VMP1: variants seen among roughly 807,000 people sequenced by gnomAD.
VMP1 encodes vacuole membrane protein 1, also known as ectopic P-granules autophagy protein 3 homolog.
In VMP1, 11 loss-of-function variants were observed where a neutral mutation model predicts 56.0. The observed-to-expected ratio is 0.20, with a 90% CI of 0.12 to 0.32. The LOEUF is 0.32. Ranked by LOEUF, VMP1 falls within the 10% of genes least tolerant of loss-of-function variation. VMP1 has a pLI of 1.00. For synonymous variants in VMP1, 149 were observed against 165.0 expected (o/e 0.90, Z 0.74); for missense variants, 296 against 490.3 (o/e 0.60, Z 3.74).
At chr17:59,764,453 A>G (rs1030282280) in intron 5 of VMP1, among the ~76,000 whole-genome samples, 1 of 152,140 alleles carries the variant, frequency 6.6e-6, no homozygotes, top group African/African-American at 2.4e-5. Context: ...CCTCCTGAGT[A>G]GCTGGGACTA....
chr17:59,808,668 A>AT, intron 7 of VMP1, 128 bp from the exon 8 acceptor site: 6 of 691,888 alleles, frequency 8.7e-6, no homozygotes, highest in Admixed American at 2.9e-5. Flanking sequence ...ACCTACTGTA[A>AT]TTTTTTTCAT....
intron 7 of VMP1, among the ~76,000 whole-genome samples, chr17:59,807,680 A>G (rs2037893511): frequency 6.6e-6 from 1 of 151,938 alleles, no homozygotes; most frequent in Non-Finnish European, 1.5e-5. Context: ...TAAAAATACA[A>G]AATTAGCTGG....
intron 5 of VMP1, among the ~76,000 whole-genome samples, chr17:59,748,257 C>T (rs2035510788): frequency 6.7e-6 from 1 of 149,986 alleles, no homozygotes; most frequent in Non-Finnish European, 1.5e-5. Context: ...ACATGGAGGA[C>T]ATAACTCCTA....
chr17:59,811,328 C>T (rs768705719), intron 8 of VMP1, among the ~76,000 whole-genome samples: 6 of 152,152 alleles, frequency 3.9e-5, no homozygotes, highest in Admixed American at 1.3e-4. Flanking sequence ...ATCAACTGAA[C>T]GGGATTAAAT....
chr17:59,801,461 C>T (rs1314011424), intron 7 of VMP1, among the ~76,000 whole-genome samples: 1 of 151,808 alleles, frequency 6.6e-6, no homozygotes, highest in African/African-American at 2.4e-5. Context: ...CTTATGTTAC[C>T]CAGGCTGCTC....
At chr17:59,767,640 G>A (rs1015340129) in intron 6 of VMP1, among the ~76,000 whole-genome samples, 2 of 152,036 alleles carry the variant, frequency 1.3e-5, no homozygotes, top group East Asian at 1.9e-4. Context: ...ATCTCGGCTG[G>A]CTGTGATAAC....
chr17:59,801,106 A>ATG (rs1466626934), intron 7 of VMP1, among the ~76,000 whole-genome samples: 3 of 128,196 alleles, frequency 2.3e-5, no homozygotes, highest in African/African-American at 1.2e-4. Flanking sequence ...ATATATATAT[A>ATG]TATATATGTG....
At chr17:59,812,029 T>C (rs1381499756) in intron 9 of VMP1, among the ~76,000 whole-genome samples, 3 of 152,150 alleles carry the variant, frequency 2.0e-5, no homozygotes. Context: ...TTTCTTTCTT[T>C]ATTTTTTGTC....
intron 7 of VMP1, among the ~76,000 whole-genome samples, chr17:59,789,835 C>CT (rs754631557): frequency 0.39 from 32,645 of 84,430 alleles, 8,386 homozygotes; most frequent in Non-Finnish European, 0.47. Context: ...CTTTCTTTCC[C>CT]TTTTTTTTTT....
chr17:59,832,596 T>TAC (rs1419239195), intron 10 of VMP1, among the ~76,000 whole-genome samples: 1 of 151,462 alleles, frequency 6.6e-6, no homozygotes, highest in East Asian at 1.9e-4. Flanking sequence ...TGTTTTGTTT[T>TAC]GTTTTGTTTT....
At chr17:59,771,038 C>T (rs1325809930) in intron 6 of VMP1, among the ~76,000 whole-genome samples, 5 of 145,610 alleles carry the variant, frequency 3.4e-5, no homozygotes, top group African/African-American at 1.3e-4. Flanking sequence ...TTGTGTATTT[C>T]TATCACGAGA....
At chr17:59,750,213 G>A (rs942212814) in intron 5 of VMP1, among the ~76,000 whole-genome samples, 17 of 151,966 alleles carry the variant, frequency 1.1e-4, no homozygotes, top group Non-Finnish European at 7.4e-5. Flanking sequence ...CAGCAAATAA[G>A]TGCATGTACT....
intron 7 of VMP1, among the ~76,000 whole-genome samples, chr17:59,780,705 G>T (rs2036790826): frequency 6.6e-6 from 1 of 152,108 alleles, no homozygotes; most frequent in South Asian, 2.1e-4. Flanking sequence ...TCTTGCCTCA[G>T]CCTCACAAGT....
At chr17:59,813,571 CAAA>C (rs35095805) in intron 9 of VMP1, among the ~76,000 whole-genome samples, 6 of 110,184 alleles carry the variant, frequency 5.4e-5, no homozygotes, top group East Asian at 2.3e-4. Context: ...GAGTTTGTCT[CAAA>C]AAAAAAAAAA....
intron 7 of VMP1, among the ~76,000 whole-genome samples, chr17:59,795,501 T>C (rs1195248663): frequency 6.7e-6 from 1 of 150,244 alleles, no homozygotes; most frequent in East Asian, 2.0e-4. Flanking sequence ...ATGAACATGT[T>C]TCTTTTGTTT....
intron 1 of VMP1, 36 bp from the exon 2 acceptor site, chr17:59,731,385 T>G (rs2034817926): frequency 2.3e-6 from 3 of 1,313,142 alleles, no homozygotes; most frequent in Non-Finnish European, 3.2e-6. Context: ...AGCAGAAGTT[T>G]GTAATGTATT....
intron 1 of VMP1, among the ~76,000 whole-genome samples, chr17:59,722,528 G>T (rs1417628259): frequency 1.3e-5 from 2 of 152,096 alleles, no homozygotes; most frequent in African/African-American, 4.8e-5. Flanking sequence ...ACAGCAACCT[G>T]TACTCCCAAT....
chr17:59,815,813 G>GC (rs1209618492), intron 9 of VMP1, among the ~76,000 whole-genome samples: 1 of 135,156 alleles, frequency 7.4e-6, no homozygotes, highest in Non-Finnish European at 1.5e-5. Flanking sequence ...CCCAGATTGA[G>GC]CCACTGCATT....
chr17:59,760,924 G>A (rs1317539864), intron 5 of VMP1, among the ~76,000 whole-genome samples: 3 of 150,760 alleles, frequency 2.0e-5, no homozygotes, highest in East Asian at 1.9e-4. Context: ...CGGCCTATAT[G>A]TTTTCTTTTC....
Sources: allele counts gnomAD v4.1 joint callset (sites outside exome capture counted in the v4.1 genomes callset), GRCh38; gene constraint gnomAD v4.1.1; transcripts MANE v1.5; gene names NCBI Gene and HGNC (gene_info 2026-07-23, HGNC 2026-07-21).